SFTPA2: variants seen among roughly 807,000 people sequenced by gnomAD.
SFTPA2 encodes pulmonary surfactant-associated protein A2.
Under a neutral mutation model 20.3 loss-of-function variants are expected in SFTPA2, and 21 were observed. That is an observed-to-expected ratio of 1.03 (90% CI 0.73 to 1.49). The LOEUF (loss-of-function observed/expected upper bound fraction) is 1.49, where lower values mean the gene tolerates loss of function less well. Among genes scored for constraint, SFTPA2 ranks in the 40% most tolerant of loss-of-function variants. SFTPA2 has a pLI of 0.00. For missense variants in SFTPA2, 302 were observed against 314.8 expected (o/e 0.96, Z 0.31); for synonymous variants, 116 against 118.7 (o/e 0.98, Z 0.15).
intron 4 of SFTPA2, 95 bp downstream of exon 4, chr10:79,558,791 C>A: frequency 2.5e-6 from 4 of 1,603,718 alleles, no homozygotes; most frequent in Non-Finnish European, 3.4e-6. Flanking sequence ...CCTTGGGGAA[C>A]CTGCAGGGTT....
rs138975473 is a variant in SFTPA2, at chr10:79,558,937, C to T, written c.241G>A (p.Val81Ile). ...CCCTTCTCTCCACGCTCTCCAGGGA[C>T]ACCAGGGGCTCCAGGCAGCCCATTA... ...GNNGLPGAPG[V>I]PGERGEKGEA... Residue 81 changes from valine to isoleucine, a missense_variant, in exon 4 of 6, where the codon GTC (valine) becomes ATC (isoleucine). Val to Ile is a conservative substitution (Grantham distance 29, BLOSUM62 3). Transcript: ENST00000372325. 4.5e-4 allele frequency: 722 copies of T among 1,614,104 alleles called. No homozygotes were observed. The highest frequency in any genetic ancestry group is 5.5e-4 in the Admixed American group (33 of 60,022).
At position 79,560,035 on chromosome 10, in the gene SFTPA2, GGA is replaced by G. The variant is rs1278891472; in HGVS notation, c.-53-39_-53-38del. 3.6e-6 allele frequency: 4 copies of G among 1,115,378 alleles called. No homozygotes were observed. The African/African-American group carries it at 6.5e-5, about 18-fold the overall frequency. The allele number at this position is 1,115,378 out of a possible 1,614,324, so 69.1% of individuals were successfully genotyped here. ...AAGAGATGAATAGGGCCCACAGCCT[GGA>G]CCCTTCAAGGTGATCATCGGGGGGT... On this transcript the variant is annotated intron_variant, in intron 1 of 5. Coordinates refer to ENST00000372325, the MANE Select transcript of SFTPA2 (RefSeq NM_001098668.4).
chr10:79,558,054 C>T lies in SFTPA2; in HGVS notation c.368G>A (p.Gly123Glu), dbSNP rs1159622489. 4.3e-6 allele frequency: 7 copies of T among 1,614,004 alleles called. No homozygotes were observed. Among genetic ancestry groups the T allele is most frequent in the Non-Finnish European group, 4.2e-6 (5 of 1,180,028 alleles). The stretch of plus-strand genomic sequence containing the variant: ...TGAGGCCCAGGGGGTCCCCTTACCT[C>T]CCCTTGTCTGCAGGATTTGATGTCT... ...DFRHQILQTR[G>E]ALSLQGSIMT... is the part of the protein sequence containing the mutation. Residue 123 changes from glycine (G) to glutamate (E), a missense_variant and splice_region_variant, in exon 5 of 6, where the codon GGA becomes GAA. Transcript: ENST00000372325.
chr10:79,559,840 C>T, intron 2 of SFTPA2, 129 bp downstream of exon 2: 1 of 1,377,946 alleles, frequency 7.3e-7, no homozygotes. Flanking sequence ...CTGGCTTCAC[C>T]TCTCTGATTT....
At chr10:79,558,484 C>T (rs982451784) in intron 4 of SFTPA2, among the ~76,000 whole-genome samples, 8 of 152,064 alleles carry the variant, frequency 5.3e-5, no homozygotes, top group South Asian at 2.1e-4. Context: ...ACTTGCTTAC[C>T]GCTCTGAGCT....
intron 2 of SFTPA2, 161 bp downstream of exon 2, chr10:79,559,808 C>G (rs1198570110): frequency 7.1e-7 from 1 of 1,409,118 alleles, no homozygotes; most frequent in Non-Finnish European, 9.4e-7. Flanking sequence ...CTTTCAGTGC[C>G]TCACTATGTT....
At position 79,556,011 on chromosome 10, in the gene SFTPA2, C is replaced by T. The variant is rs1059190; in HGVS notation, c.*1198G>A. 6.5e-6 allele frequency: 1 copy of T among 154,138 alleles called. No individual in the cohort carries two copies. 9.5% of individuals were successfully genotyped at this position (154,138 alleles called of 1,614,324 possible). A position where few individuals can be genotyped will look rare whatever the true frequency, so the allele number is the denominator to read the frequency against. ...CTCTGAAATAACACTCAAAACATTT[C>T]ACTCCTCTAAGCTTCAGTGTCCTTA... On this transcript the variant is annotated 3_prime_UTR_variant, in exon 6 of 6. Coordinates refer to ENST00000372325, the MANE Select transcript of SFTPA2 (RefSeq NM_001098668.4).
intron 4 of SFTPA2, among the ~76,000 whole-genome samples, chr10:79,558,429 C>T (rs969519667): frequency 3.3e-5 from 5 of 152,118 alleles, no homozygotes; most frequent in Non-Finnish European, 7.3e-5. Context: ...TCTCCCGCAC[C>T]CTCCACCAAG....
rs2132063646 is a variant in SFTPA2 at position 79,559,295 on chromosome 10, G to T, written c.172+17C>A. On this transcript the variant is annotated intron_variant, in intron 3 of 5. Coordinates refer to ENST00000372325, the MANE Select transcript of SFTPA2 (RefSeq NM_001098668.4). ...GTCTGTGTCCCTCAGCTGAGGGTGGGGTCTGCAGCACAGTACCTGGAGGGC... is the reference window on the plus strand; with the variant it reads ...GTCTGTGTCCCTCAGCTGAGGGTGGTGTCTGCAGCACAGTACCTGGAGGGC... 3.1e-6 allele frequency: 5 copies of T among 1,613,384 alleles called. No homozygotes were observed. The South Asian group carries it at 4.4e-5, about 14-fold the overall frequency.
At position 79,558,902 on chromosome 10, in the gene SFTPA2, G is replaced by A. The variant is rs185175672; in HGVS notation, c.276C>T (p.Gly92=). The change falls in exon 4 of 6, where the codon GGC becomes GGT. Residue 92 remains glycine, a synonymous_variant. Coordinates refer to ENST00000372325, the MANE Select transcript of SFTPA2 (RefSeq NM_001098668.4). Reference sequence around the variant, plus strand: ...CCTGCTCACCTGGAGGGCCTCTCTCGCCAGCCTCCCCCTTCTCTCCACGCT... The same window carrying A: ...CCTGCTCACCTGGAGGGCCTCTCTCACCAGCCTCCCCCTTCTCTCCACGCT... ...PGERGEKGEA[G]ERGPPGLPAH... is the part of the protein sequence containing the mutation. 1.6e-5 allele frequency: 26 copies of A among 1,613,806 alleles called. No individual in the cohort carries two copies. In the East Asian group the frequency reaches 2.9e-4, roughly 18 times the overall value.
chr10:79,559,888 G>A, intron 2 of SFTPA2, 81 bp downstream of exon 2: 2 of 1,373,842 alleles, frequency 1.5e-6, no homozygotes, highest in South Asian at 3.2e-5. Context: ...AACCTGCCCT[G>A]TCCCTCCCAG....
Position 79,559,432 on chromosome 10 carries a change from C to T in SFTPA2, c.52G>A (p.Ala18Thr), listed in dbSNP as rs1181608915. The T allele has an allele frequency of 4.3e-6, 7 of 1,613,670 alleles. No individual in the cohort carries two copies. The highest frequency in any genetic ancestry group is 8.5e-7 in the Non-Finnish European group (1 of 1,179,802). ...LTLILMAASG[A>T]ACEVKDVCVG... ...CAAACGTCCTTCACTTCGCACGCAGCACCAGAGGCTGCCATCAAGATGAGG... is the reference window on the plus strand; with the variant it reads ...CAAACGTCCTTCACTTCGCACGCAGTACCAGAGGCTGCCATCAAGATGAGG... The change falls in exon 3 of 6, where the codon GCT (alanine) becomes ACT (threonine). Residue 18 changes from alanine (A) to threonine (T), a missense_variant. Ala to Thr is a moderately conservative substitution (Grantham distance 58). Coordinates refer to ENST00000372325, the MANE Select transcript of SFTPA2 (RefSeq NM_001098668.4).
Position 79,560,016 on chromosome 10 carries a change from T to A in SFTPA2, c.-53-18A>T. On this transcript the variant is annotated intron_variant, in intron 1 of 5. Transcript: ENST00000372325. ...TCAGCGACCTGAGAATGAAAAGAGA[T>A]GAATAGGGCCCACAGCCTGGACCCT... 1 of 1,158,144 alleles carries A rather than the reference T, an allele frequency of 8.6e-7. No homozygotes were observed. Among genetic ancestry groups the A allele is most frequent in the Non-Finnish European group, 1.1e-6 (1 of 934,684 alleles). The allele number at this position is 1,158,144 out of a possible 1,614,324, so 71.7% of individuals were successfully genotyped here.
chr10:79,557,926 A>G lies in SFTPA2; in HGVS notation c.370+126T>C, dbSNP rs1025775216. On this transcript the variant is annotated intron_variant, in intron 5 of 5. Coordinates refer to ENST00000372325, the MANE Select transcript of SFTPA2 (RefSeq NM_001098668.4). ...ATTCAAAGACATCAGAAAAGCAAGC[A>G]TCATTCCTTTCCCCAACACCTGCAT... 8.1e-5 allele frequency: 120 copies of G among 1,474,072 alleles called. 1 individual carries two copies. The highest frequency in any genetic ancestry group is 1.0e-4 in the Non-Finnish European group (111 of 1,057,750). The allele number at this position is 1,474,072 out of a possible 1,614,324, so 91.3% of individuals were successfully genotyped here. A position where few individuals can be genotyped will look rare whatever the true frequency, so the allele number is the denominator to read the frequency against.
chr10:79,560,369 C>G lies in SFTPA2; in HGVS notation c.-59G>C, dbSNP rs868588437. On this transcript the variant is annotated 5_prime_UTR_variant, in exon 1 of 6. Coordinates refer to ENST00000372325, the MANE Select transcript of SFTPA2 (RefSeq NM_001098668.4). ...GGGGATGTGGCTAAACTCACCCACA[C>G]ACAGAGCCTCCAGCTGCTTGGGTCT... The G allele has an allele frequency of 1.3e-5, 2 of 152,556 alleles. No individual in the cohort carries two copies. The highest frequency in any genetic ancestry group is 6.7e-3 in the Middle Eastern group (2 of 298). 9.5% of individuals were successfully genotyped at this position (152,556 alleles called of 1,614,324 possible).
rs780831236 is a variant in SFTPA2, at chr10:79,558,917, C to T, written c.261G>A (p.Glu87=). The T allele has an allele frequency of 9.9e-6, 16 of 1,614,016 alleles. No homozygotes were observed. Among genetic ancestry groups the T allele is most frequent in the African/African-American group, 1.3e-5 (1 of 74,894 alleles). ...GAPGVPGERG[E]KGEAGERGPP... ...GGCCTCTCTCGCCAGCCTCCCCCTT[C>T]TCTCCACGCTCTCCAGGGACACCAG... The change falls in exon 4 of 6, where the codon GAG becomes GAA. Residue 87 remains glutamate, a synonymous_variant. Transcript: ENST00000372325.
In SFTPA2 at chr10:79,559,919, G is replaced by A. The variant is rs192596217; in HGVS notation, c.-24+50C>T. On this transcript the variant is annotated intron_variant, in intron 2 of 5. Transcript: ENST00000372325. ...CCCAGGCTGTTAGAAGGAAGGATGA[G>A]GTCACTCACTCACTGACTCACTCCA... 3.6e-6 allele frequency: 5 copies of A among 1,370,836 alleles called. No individual in the cohort carries two copies. In the South Asian group the frequency reaches 5.0e-5, roughly 14 times the overall value. The allele number at this position is 1,370,836 out of a possible 1,614,324, so 84.9% of individuals were successfully genotyped here. A position where few individuals can be genotyped will look rare whatever the true frequency, so the allele number is the denominator to read the frequency against.
chr10:79,557,805 G>A (rs565642032), intron 5 of SFTPA2, among the ~76,000 whole-genome samples: 86 of 152,302 alleles, frequency 5.6e-4, no homozygotes, highest in Middle Eastern at 3.4e-3. Context: ...CAGAAATGGT[G>A]CAATTTCCTA....
rs1375477572 is a variant in SFTPA2, at chr10:79,558,930, C to T, written c.248G>A (p.Gly83Glu). The T allele has an allele frequency of 1.2e-6, 2 of 1,614,126 alleles. No individual in the cohort carries two copies. Among genetic ancestry groups the T allele is most frequent in the Non-Finnish European group, 8.5e-7 (1 of 1,180,018 alleles). The change falls in exon 4 of 6, where the codon GGA (glycine) becomes GAA (glutamate). Residue 83 changes from glycine (G) to glutamate (E), a missense_variant. By Grantham distance (98) the Gly-to-Glu change is moderately conservative. Around this residue, in one of 3 missense-constraint regions of SFTPA2, gnomAD observed 264 missense variants for 261.7 expected, o/e 1.01. Coordinates refer to ENST00000372325, the MANE Select transcript of SFTPA2 (RefSeq NM_001098668.4). ...NGLPGAPGVP[G>E]ERGEKGEAGE... ...AGCCTCCCCCTTCTCTCCACGCTCT[C>T]CAGGGACACCAGGGGCTCCAGGCAG...
Sources: gnomAD v4.1 joint callset for allele counts (sites outside exome capture counted in the v4.1 genomes callset) on GRCh38, gnomAD v4.1.1 for gene constraint, gnomAD v4.1.1 regional missense constraint, MANE v1.5 for transcripts, NCBI Gene and HGNC (gene_info 2026-07-23, HGNC 2026-07-21) for gene names.